Variants in PRDM5 observed in about 807,000 individuals in gnomAD.
The protein encoded by PRDM5 is PR/SET domain 5, also known as PR domain zinc finger protein 5.
Under a neutral mutation model 81.2 loss-of-function variants are expected in PRDM5, and 56 were observed. That is an observed-to-expected ratio of 0.69 (90% CI 0.56 to 0.86). The LOEUF (loss-of-function observed/expected upper bound fraction) is 0.86. Ranked by LOEUF, PRDM5 falls within the 40% of genes least tolerant of loss-of-function variation. PRDM5 has a pLI of 0.00. For missense variants in PRDM5, 697 were observed against 770.1 expected (o/e 0.91, Z 1.12); for synonymous variants, 267 against 256.4 (o/e 1.04, Z -0.39).
intron 2 of PRDM5, among the ~76,000 whole-genome samples, chr4:120,860,041 A>C (rs1760387627): frequency 1.3e-5 from 2 of 152,186 alleles, no homozygotes; most frequent in Non-Finnish European, 2.9e-5. Flanking sequence ...TTTGGTTGCC[A>C]CACCTGACAT....
chr4:120,790,763 G>T (rs931109507), intron 10 of PRDM5, among the ~76,000 whole-genome samples: 6 of 152,018 alleles, frequency 3.9e-5, no homozygotes, highest in African/African-American at 1.4e-4. Flanking sequence ...GTGAATACTG[G>T]GTCAGGCAAG....
intron 15 of PRDM5, among the ~76,000 whole-genome samples, chr4:120,701,743 T>C (rs1434738429): frequency 6.6e-6 from 1 of 152,060 alleles, no homozygotes; most frequent in African/African-American, 2.4e-5. Flanking sequence ...GATGGGATCA[T>C]TCACACCTAA....
At chr4:120,792,884 C>G (rs1038068413) in intron 10 of PRDM5, among the ~76,000 whole-genome samples, 4 of 151,960 alleles carry the variant, frequency 2.6e-5, no homozygotes, top group African/African-American at 9.7e-5. Context: ...GAGGGTAGAA[C>G]GGTGGTTGCC....
intron 3 of PRDM5, among the ~76,000 whole-genome samples, chr4:120,847,207 T>C (rs1758753358): frequency 6.6e-6 from 1 of 152,172 alleles, no homozygotes; most frequent in Admixed American, 6.5e-5. Flanking sequence ...AGTCCCTTCC[T>C]ACACTGTGCC....
chr4:120,849,453 T>C (rs1174357088), intron 3 of PRDM5, among the ~76,000 whole-genome samples: 1 of 152,140 alleles, frequency 6.6e-6, no homozygotes, highest in Non-Finnish European at 1.5e-5. Flanking sequence ...CTTGGCTCAA[T>C]ACCCAGTGCC....
chr4:120,805,743 T>G (rs1174564797), intron 8 of PRDM5, among the ~76,000 whole-genome samples: 2 of 152,196 alleles, frequency 1.3e-5, no homozygotes, highest in Non-Finnish European at 2.9e-5. Flanking sequence ...ACAGCCAATA[T>G]CATACTGAGT....
intron 14 of PRDM5, among the ~76,000 whole-genome samples, chr4:120,746,176 A>C (rs1182041092): frequency 3.2e-5 from 1 of 31,288 alleles, no homozygotes; most frequent in Admixed American, 3.5e-4. Context: ...AAAACAAGAA[A>C]TGGGGAAAGG....
chr4:120,736,260 A>G (rs1741115338), intron 14 of PRDM5, among the ~76,000 whole-genome samples: 2 of 147,964 alleles, frequency 1.4e-5, no homozygotes, highest in Admixed American at 6.8e-5. Context: ...TCTTTATCCA[A>G]TCATCTGTTG....
At chr4:120,878,896 A>G (rs1223849178) in intron 2 of PRDM5, among the ~76,000 whole-genome samples, 3 of 152,236 alleles carry the variant, frequency 2.0e-5, no homozygotes, top group Non-Finnish European at 4.4e-5. Context: ...CCAAATGCTG[A>G]CAAGGACATG....
chr4:120,731,251 G>A (rs905112152), intron 14 of PRDM5, among the ~76,000 whole-genome samples: 2 of 152,060 alleles, frequency 1.3e-5, no homozygotes, highest in Non-Finnish European at 2.9e-5. Flanking sequence ...AAAGAGCTCA[G>A]TGCAGTGCAA....
intron 2 of PRDM5, among the ~76,000 whole-genome samples, chr4:120,871,090 C>A (rs1761738273): frequency 2.0e-5 from 3 of 152,176 alleles, no homozygotes; most frequent in African/African-American, 7.2e-5. Flanking sequence ...AGGGAACTCT[C>A]TAGGCTGTGA....
chr4:120,898,037 T>C (rs1455615428), intron 2 of PRDM5, among the ~76,000 whole-genome samples: 2 of 152,164 alleles, frequency 1.3e-5, no homozygotes, highest in Non-Finnish European at 2.9e-5. Flanking sequence ...TATTGAAAAG[T>C]TTAGAGGATC....
intron 10 of PRDM5, among the ~76,000 whole-genome samples, chr4:120,792,103 C>T (rs17051259): frequency 0.045 from 6,920 of 152,260 alleles, 315 homozygotes; most frequent in Middle Eastern, 0.15. Flanking sequence ...TATGTGCAAA[C>T]CCATTACAAA....
chr4:120,694,175 T>A lies in PRDM5; in HGVS notation c.*936A>T, dbSNP rs1734282501. On this transcript the variant is annotated 3_prime_UTR_variant, in exon 16 of 16. Coordinates refer to ENST00000264808, the MANE Select transcript of PRDM5 (RefSeq NM_018699.4). ...CACTAACATGTTCTGTGCACTTTTATGGAAGGAGAGGGGAAAGGGCTATGT... is the reference window on the plus strand; with the variant it reads ...CACTAACATGTTCTGTGCACTTTTAAGGAAGGAGAGGGGAAAGGGCTATGT... 6.6e-6 allele frequency: 1 copy of A among 152,102 alleles called. No homozygotes were observed. Among genetic ancestry groups the A allele is most frequent in the Non-Finnish European group, 1.5e-5 (1 of 67,994 alleles). The allele number at this position is 152,102 out of a possible 1,614,324, so 9.4% of individuals were successfully genotyped here.
intron 3 of PRDM5, among the ~76,000 whole-genome samples, chr4:120,844,705 T>C (rs567685701): frequency 6.6e-6 from 1 of 152,276 alleles, no homozygotes; most frequent in South Asian, 2.1e-4. Context: ...TACAATGGCC[T>C]GTAAGTATTC....
At chr4:120,781,042 T>C in intron 12 of PRDM5, 101 bp downstream of exon 12, 1 of 1,030,524 alleles carries the variant, frequency 9.7e-7, no homozygotes. Context: ...TGAGTAAATA[T>C]TTTGATAGAT....
chr4:120,891,342 G>A (rs944169160), intron 2 of PRDM5, among the ~76,000 whole-genome samples: 1 of 152,120 alleles, frequency 6.6e-6, no homozygotes, highest in Non-Finnish European at 1.5e-5. Flanking sequence ...AATTGTCTCT[G>A]AGGGTTTTTT....
At chr4:120,787,873 G>A (rs915236507) in intron 10 of PRDM5, among the ~76,000 whole-genome samples, 3 of 152,094 alleles carry the variant, frequency 2.0e-5, no homozygotes, top group Non-Finnish European at 4.4e-5. Context: ...ATAAGATGGA[G>A]ATGTCAGATT....
chr4:120,910,584 T>C (rs76186337), intron 1 of PRDM5, among the ~76,000 whole-genome samples: 6,401 of 152,302 alleles, frequency 0.042, 186 homozygotes, highest in Non-Finnish European at 0.065. Context: ...TCTACCTCAG[T>C]GGACTTCAGA....
Sources: gnomAD v4.1 joint callset for allele counts (sites outside exome capture counted in the v4.1 genomes callset) on GRCh38, gnomAD v4.1.1 for gene constraint, MANE v1.5 for transcripts, NCBI Gene and HGNC (gene_info 2026-07-23, HGNC 2026-07-21) for gene names.